The following SRBD1 variants were observed in gnomAD, a reference collection of about 807,000 sequenced individuals.
SRBD1 encodes S1 RNA-binding domain-containing protein 1.
In SRBD1, 88 loss-of-function variants were observed where a neutral mutation model predicts 115.3. The ratio of observed to expected loss-of-function variants is 0.76; its 90% CI spans 0.64 to 0.91. The LOEUF (loss-of-function observed/expected upper bound fraction) is 0.91, where lower values mean the gene tolerates loss of function less well. Among genes scored for constraint, SRBD1 ranks in the 40% least tolerant of loss-of-function variants. The pLI is 0.00. For synonymous variants in SRBD1, 509 were observed against 407.7 expected, an observed-to-expected ratio of 1.25 and a Z score of -2.99; for missense variants, 1,385 against 1,177.4, an observed-to-expected ratio of 1.18 and a Z score of -2.58.
chr2:45,425,329 G>A lies in SRBD1; in HGVS notation c.2050-5435C>T, dbSNP rs556966930. On this transcript the variant is annotated intron_variant, in intron 16 of 20. Transcript: ENST00000263736. ...AATCCTCACAACAATTCTAAAACAT[G>A]TACATATGACTTTATGCAGTATCTT... 1.3e-4 allele frequency among the ~76,000 whole-genome samples: 20 copies of A among 152,212 alleles called. No individual in the cohort carries two copies. In the East Asian group the frequency reaches 3.5e-3, roughly 26 times the overall value.
intron 14 of SRBD1, among the ~76,000 whole-genome samples, chr2:45,514,448 TATCTA>T (rs1443634474): frequency 6.6e-6 from 1 of 152,140 alleles, no homozygotes; most frequent in East Asian, 1.9e-4. Flanking sequence ...TGTGACAACT[TATCTA>T]TGAAAAGGGA....
At chr2:45,406,518 A>ACCT (rs1667442329) in intron 19 of SRBD1, among the ~76,000 whole-genome samples, 1 of 152,106 alleles carries the variant, frequency 6.6e-6, no homozygotes. Context: ...TTGACATTCT[A>ACCT]CCTCCATCCT....
chr2:45,569,558 A>T (rs958307346), intron 9 of SRBD1: 8 of 152,158 alleles, frequency 5.3e-5, no homozygotes, highest in Non-Finnish European at 1.0e-4. Context: ...TTTTTTTTCT[A>T]TTATTCTCTC....
chr2:45,556,384 G>GACAGCAAAC lies in SRBD1; in HGVS notation c.1410-2663_1410-2655dup, dbSNP rs1338366140. Among the ~76,000 whole-genome samples, 3 of 149,506 alleles carry GACAGCAAAC rather than the reference G, an allele frequency of 2.0e-5. No individual in the cohort carries two copies. In the East Asian group the frequency reaches 5.9e-4, roughly 29 times the overall value. On this transcript the variant is annotated intron_variant, in intron 10 of 20. Transcript: ENST00000263736. ...ATATGAAGAGCTCAAAAGCAGAAGT[G>GACAGCAAAC]ACAGCAAACAGCAGTATAATATACT... is the stretch of plus-strand genomic sequence containing the variant.
At chr2:45,584,077 C>G (rs1673444126) in intron 5 of SRBD1, among the ~76,000 whole-genome samples, 1 of 152,116 alleles carries the variant, frequency 6.6e-6, no homozygotes, top group Non-Finnish European at 1.5e-5. Flanking sequence ...TCTTAATTAC[C>G]TTGCCTTCAA....
At chr2:45,554,427 CCTTT>C (rs1435834172) in intron 10 of SRBD1, among the ~76,000 whole-genome samples, 3 of 152,044 alleles carry the variant, frequency 2.0e-5, no homozygotes, top group African/African-American at 4.8e-5. Context: ...CTTTTTTCCC[CCTTT>C]CTTTATCTCT....
In SRBD1 at chr2:45,418,407, C is replaced by G; in HGVS notation, c.2291G>C (p.Gly764Ala). Residue 764 changes from glycine (G) to alanine (A), a missense_variant, in exon 18 of 21, where the codon GGC becomes GCC. Gly to Ala is a moderately conservative substitution (Grantham distance 60, BLOSUM62 0). Coordinates refer to ENST00000263736, the MANE Select transcript of SRBD1 (RefSeq NM_018079.5). The part of the protein sequence containing the change: ...LGPKSFQQCA[G>A]FIRINQDYIR... ...ATAATCCTGGTTGATTCTGATGAAG[C>G]CAGCACACTGTTGGAAGGATTTTGG... The G allele has an allele frequency of 6.2e-7, 1 of 1,613,890 alleles. No individual in the cohort carries two copies. The highest frequency in any genetic ancestry group is 8.5e-7 in the Non-Finnish European group (1 of 1,179,934).
At chr2:45,403,025 C>G (rs1250413423) in intron 19 of SRBD1, among the ~76,000 whole-genome samples, 3 of 152,022 alleles carry the variant, frequency 2.0e-5, no homozygotes, top group Non-Finnish European at 4.4e-5. Context: ...ACACAACAAA[C>G]TCACTCACAC....
At chr2:45,577,945 C>T (rs1233082109) in intron 7 of SRBD1, among the ~76,000 whole-genome samples, 6 of 152,110 alleles carry the variant, frequency 3.9e-5, no homozygotes, top group African/African-American at 1.4e-4. Flanking sequence ...TAGTACAGTA[C>T]TACTGTAACT....
rs370432474 is a variant in SRBD1 at position 45,580,008 on chromosome 2, A to G, written c.939T>C (p.Ala313=). Residue 313 remains alanine, a synonymous_variant, in exon 7 of 21, where the codon GCT becomes GCC. Coordinates refer to ENST00000263736, the MANE Select transcript of SRBD1 (RefSeq NM_018079.5). ...KTFEELEHVS[A]PYKTGSKGTK... is the part of the protein sequence containing the mutation. Reference sequence around the variant, plus strand: ...TCCCTTTGCTTCCAGTTTTATATGGAGCAGACTAGAAAATAAAGACAGAAA... The same window carrying G: ...TCCCTTTGCTTCCAGTTTTATATGGGGCAGACTAGAAAATAAAGACAGAAA... 211 of 1,543,208 alleles carry G rather than the reference A, an allele frequency of 1.4e-4. No homozygotes were observed. The highest frequency in any genetic ancestry group is 1.8e-4 in the Non-Finnish European group (209 of 1,148,788).
At chr2:45,455,654 GCAAA>G (rs1282970110) in intron 16 of SRBD1, among the ~76,000 whole-genome samples, 7 of 151,714 alleles carry the variant, frequency 4.6e-5, no homozygotes, top group Admixed American at 4.6e-4. Flanking sequence ...GGGATAACAA[GCAAA>G]CATTTTCTCC....
At position 45,544,682 on chromosome 2, in the gene SRBD1, A is replaced by C. The variant is rs575777391; in HGVS notation, c.1874+2050T>G. Among the ~76,000 whole-genome samples the C allele has an allele frequency of 9.2e-5, 14 of 152,374 alleles. No individual in the cohort carries two copies. In the South Asian group the frequency reaches 2.9e-3, roughly 32 times the overall value. ...CTATCATCCCTATTGCATCAAGGTGAAAATAAACTTTATGTAAGTTTATTA... is the reference window on the plus strand; with the variant it reads ...CTATCATCCCTATTGCATCAAGGTGCAAATAAACTTTATGTAAGTTTATTA... On this transcript the variant is annotated intron_variant, in intron 14 of 20. Transcript: ENST00000263736.
intron 5 of SRBD1, 81 bp from the exon 6 acceptor site, chr2:45,581,891 G>T: frequency 8.7e-7 from 1 of 1,142,954 alleles, no homozygotes; most frequent in Non-Finnish European, 1.3e-6. Flanking sequence ...TTACAGAAAA[G>T]TTGCAGGTAA....
chr2:45,394,141 T>A (rs1667080039), intron 19 of SRBD1, among the ~76,000 whole-genome samples: 2 of 152,244 alleles, frequency 1.3e-5, no homozygotes, highest in African/African-American at 4.8e-5. Flanking sequence ...TTTATATTCT[T>A]TATACATTAT....
At chr2:45,449,520 G>A (rs1017272690) in intron 16 of SRBD1, among the ~76,000 whole-genome samples, 4 of 152,058 alleles carry the variant, frequency 2.6e-5, no homozygotes, top group Non-Finnish European at 5.9e-5. Context: ...AAGTTTTACC[G>A]ATCCTCTGAA....
At chr2:45,426,585 A>C (rs999001325) in intron 16 of SRBD1, among the ~76,000 whole-genome samples, 1 of 152,148 alleles carries the variant, frequency 6.6e-6, no homozygotes, top group South Asian at 2.1e-4. Context: ...GTCGATAGAC[A>C]TCTCATACAG....
chr2:45,502,776 T>C (rs1162556672), intron 14 of SRBD1, among the ~76,000 whole-genome samples: 1 of 151,786 alleles, frequency 6.6e-6, no homozygotes, highest in African/African-American at 2.4e-5. Flanking sequence ...CGTGTATACA[T>C]ATGTAACAAA....
At chr2:45,475,372 C>T (rs1006523761) in intron 16 of SRBD1, among the ~76,000 whole-genome samples, 1 of 152,170 alleles carries the variant, frequency 6.6e-6, no homozygotes, top group Non-Finnish European at 1.5e-5. Context: ...TCACTCTTCC[C>T]AGATCAGCCA....
intron 9 of SRBD1, 108 bp downstream of exon 9, chr2:45,573,099 A>G: frequency 1.6e-6 from 2 of 1,226,592 alleles, no homozygotes; most frequent in Non-Finnish European, 2.2e-6. Flanking sequence ...TAAAGAAAAA[A>G]GAAAACAGTT....
Sources: allele counts gnomAD v4.1 joint callset (sites outside exome capture counted in the v4.1 genomes callset), GRCh38; gene constraint gnomAD v4.1.1; transcripts MANE v1.5; gene names NCBI Gene and HGNC (gene_info 2026-07-23, HGNC 2026-07-21).